The following FRYL variants were observed in gnomAD, a reference collection of about 807,000 sequenced individuals.
FRYL encodes the protein protein furry homolog-like.
A neutral mutation model predicts 351.2 loss-of-function variants in FRYL; 150 were observed. The observed-to-expected ratio is 0.43, with a 90% CI of 0.37 to 0.49. The LOEUF is 0.49. Ranked by LOEUF, FRYL falls within the 20% of genes least tolerant of loss-of-function variation. The pLI, the probability that FRYL is intolerant of heterozygous loss-of-function variation, is 0.00. For missense variants in FRYL, 3,036 were observed against 3,619.3 expected, an observed-to-expected ratio of 0.84 and a Z score of 4.13; for synonymous variants, 1,153 against 1,257.1, an observed-to-expected ratio of 0.92 and a Z score of 1.75.
At chr4:48,547,080 G>A (rs868430006) in intron 41 of FRYL, among the ~76,000 whole-genome samples, 7 of 152,112 alleles carry the variant, frequency 4.6e-5, no homozygotes, top group African/African-American at 9.6e-5. Flanking sequence ...TTAGTTATAG[G>A]ATATAAGAAA....
chr4:48,512,710 A>G, intron 56 of FRYL, 22 bp from the exon 57 acceptor site: 3 of 1,537,116 alleles, frequency 2.0e-6, no homozygotes, highest in Non-Finnish European at 2.7e-6. Flanking sequence ...GATATCATAA[A>G]TATCATAACA....
intron 24 of FRYL, among the ~76,000 whole-genome samples, chr4:48,575,807 G>A (rs1041547129): frequency 6.6e-6 from 1 of 152,166 alleles, no homozygotes; most frequent in African/African-American, 2.4e-5. Flanking sequence ...AACTGAATGA[G>A]CACGGGTCTT....
At chr4:48,560,073 C>G (rs190695764) in intron 33 of FRYL, among the ~76,000 whole-genome samples, 5 of 151,880 alleles carry the variant, frequency 3.3e-5, no homozygotes, top group Admixed American at 3.3e-4. Context: ...AGGCAAGGCA[C>G]AGGGGTGAGG....
chr4:48,507,731 A>AGAT (rs1241492159), intron 59 of FRYL, among the ~76,000 whole-genome samples: 2 of 152,208 alleles, frequency 1.3e-5, no homozygotes, highest in Non-Finnish European at 2.9e-5. Flanking sequence ...ATAGATAGAT[A>AGAT]GATAGATCGT....
At chr4:48,542,822 C>T (rs540763489) in intron 44 of FRYL, among the ~76,000 whole-genome samples, 1 of 152,280 alleles carries the variant, frequency 6.6e-6, no homozygotes, top group South Asian at 2.1e-4. Context: ...TCTTAACCTC[C>T]TGCCCTCTCT....
intron 3 of FRYL, among the ~76,000 whole-genome samples, chr4:48,662,085 T>C (rs1760839439): frequency 6.6e-6 from 1 of 152,158 alleles, no homozygotes; most frequent in Non-Finnish European, 1.5e-5. Context: ...CAGTGATTTA[T>C]GGAACAGCAG....
chr4:48,706,472 T>C (rs1471976268), intron 2 of FRYL, among the ~76,000 whole-genome samples: 3 of 152,118 alleles, frequency 2.0e-5, no homozygotes, highest in African/African-American at 7.2e-5. Context: ...GAATGGTGGT[T>C]GTCAGGGGCT....
chr4:48,776,748 C>A (rs1776065945), intron 1 of FRYL, among the ~76,000 whole-genome samples: 1 of 152,176 alleles, frequency 6.6e-6, no homozygotes, highest in Non-Finnish European at 1.5e-5. Context: ...AGAGCACATA[C>A]TCTGTCTCCC....
chr4:48,507,107 A>C (rs1304882245), intron 59 of FRYL, among the ~76,000 whole-genome samples: 1 of 152,202 alleles, frequency 6.6e-6, no homozygotes, highest in African/African-American at 2.4e-5. Flanking sequence ...TATACTAATA[A>C]ATTTGAAAAT....
intron 3 of FRYL, chr4:48,637,490 A>C (rs1327218988): frequency 6.6e-6 from 1 of 152,036 alleles, no homozygotes; most frequent in Non-Finnish European, 1.5e-5. Context: ...CTACATGCTA[A>C]CCCAAAATTT....
chr4:48,603,736 A>T (rs1746146257), intron 11 of FRYL, among the ~76,000 whole-genome samples: 1 of 152,186 alleles, frequency 6.6e-6, no homozygotes, highest in Non-Finnish European at 1.5e-5. Context: ...AAATAGTGCT[A>T]AAGCCTCCCA....
intron 7 of FRYL, among the ~76,000 whole-genome samples, chr4:48,616,092 C>T (rs571665498): frequency 3.3e-5 from 5 of 151,968 alleles, no homozygotes; most frequent in South Asian, 2.1e-4. Flanking sequence ...AGGGGAGGGA[C>T]GGCATTAGGA....
intron 13 of FRYL, among the ~76,000 whole-genome samples, chr4:48,596,329 ACATAATGACTGAAAAAGGAT>A (rs1207954633): frequency 2.0e-5 from 3 of 152,186 alleles, no homozygotes; most frequent in Admixed American, 6.5e-5. Flanking sequence ...TCCAATACTG[ACATAATGACTGAAAAAGGAT>A]CACTCATTTT....
chr4:48,513,119 G>C (rs554337635), intron 56 of FRYL, among the ~76,000 whole-genome samples: 24 of 152,124 alleles, frequency 1.6e-4, no homozygotes, highest in African/African-American at 5.8e-4. Flanking sequence ...GGCCTCATAT[G>C]GATAATTTCA....
chr4:48,745,287 T>C (rs1772542424), intron 1 of FRYL, among the ~76,000 whole-genome samples: 1 of 152,160 alleles, frequency 6.6e-6, no homozygotes, highest in African/African-American at 2.4e-5. Context: ...CATGCTGCTA[T>C]AAAGACACAT....
At chr4:48,616,311 G>A (rs1418493801) in intron 7 of FRYL, among the ~76,000 whole-genome samples, 1 of 151,858 alleles carries the variant, frequency 6.6e-6, no homozygotes, top group African/African-American at 2.4e-5. Context: ...AGAAAATTTG[G>A]AGTAAAATCA....
At chr4:48,622,215 T>C (rs1750795008) in intron 5 of FRYL, among the ~76,000 whole-genome samples, 1 of 152,202 alleles carries the variant, frequency 6.6e-6, no homozygotes, top group Admixed American at 6.5e-5. Flanking sequence ...AAATCCTGAT[T>C]ATGGATTGAT....
Position 48,776,241 on chromosome 4 carries a change from G to A in FRYL, c.-384+3837C>T, listed in dbSNP as rs150153003. Among the ~76,000 whole-genome samples, 480 of 151,150 alleles carry A rather than the reference G, an allele frequency of 3.2e-3. 6 individuals are homozygous for A. Among genetic ancestry groups the A allele is most frequent in the African/African-American group, 0.011 (471 of 41,210 alleles). ...GGGCTCAAGCCATCTTCCCGCCTCA[G>A]CCTCCCAAAGTCCTGGGATTACAGG... On this transcript the variant is annotated intron_variant, in intron 1 of 63. Coordinates refer to ENST00000358350, the MANE Select transcript of FRYL (RefSeq NM_015030.2).
chr4:48,708,561 G>T (rs2149587121), intron 2 of FRYL, among the ~76,000 whole-genome samples: 1 of 152,268 alleles, frequency 6.6e-6, no homozygotes, highest in South Asian at 2.1e-4. Flanking sequence ...ATAAAAAGAT[G>T]TATATATCCG....
Sources: allele counts gnomAD v4.1 joint callset (sites outside exome capture counted in the v4.1 genomes callset), GRCh38; gene constraint gnomAD v4.1.1; transcripts MANE v1.5; gene names NCBI Gene and HGNC (gene_info 2026-07-23, HGNC 2026-07-21).